MECOM: variants seen among roughly 807,000 people sequenced by gnomAD.
MECOM encodes the protein histone-lysine N-methyltransferase MECOM.
MECOM carries 13 observed loss-of-function variants against 116.3 expected under a neutral mutation model. The observed-to-expected ratio is 0.11, with a 90% CI of 0.07 to 0.18. MECOM has a LOEUF of 0.18. Among genes scored for constraint, MECOM ranks in the 10% least tolerant of loss-of-function variants. The pLI, the probability that MECOM is intolerant of heterozygous loss-of-function variation, is 1.00. For synonymous variants in MECOM, 528 were observed against 535.2 expected (o/e 0.99, Z 0.19); for missense variants, 1,299 against 1,509.0 (o/e 0.86, Z 2.31).
At chr3:169,176,454 AC>A (rs1745183208) in intron 2 of MECOM, among the ~76,000 whole-genome samples, 2 of 152,202 alleles carry the variant, frequency 1.3e-5, no homozygotes, top group African/African-American at 4.8e-5. Flanking sequence ...TACACCTTAT[AC>A]AAAAATTAAC....
chr3:169,502,697 T>TA (rs1204258044), intron 1 of MECOM, among the ~76,000 whole-genome samples: 2 of 152,146 alleles, frequency 1.3e-5, no homozygotes, highest in Non-Finnish European at 2.9e-5. Flanking sequence ...TTTCCAATGG[T>TA]AAAAATGGCT....
At chr3:169,101,996 C>T in intron 11 of MECOM, 64 bp downstream of exon 11, 2 of 1,501,000 alleles carry the variant, frequency 1.3e-6, no homozygotes, top group South Asian at 1.3e-5. Flanking sequence ...AAACAAACAG[C>T]AAGACCTTTT....
At chr3:169,591,213 G>A (rs1357020849) in intron 1 of MECOM, among the ~76,000 whole-genome samples, 2 of 152,132 alleles carry the variant, frequency 1.3e-5, no homozygotes, top group Non-Finnish European at 2.9e-5. Flanking sequence ...GGAGAACTGG[G>A]AATCAATAAC....
rs368464255 is a variant in MECOM at position 169,639,864 on chromosome 3, A to C, written c.37+23472T>G. On this transcript the variant is annotated intron_variant, in intron 1 of 16. Transcript: ENST00000651503. ...GAATAGGTTAAGTTATGCTTCCATA[A>C]TAACTAACTCCAAAATCTCAGTGAG... Among the ~76,000 whole-genome samples the C allele has an allele frequency of 1.2e-3, 183 of 152,346 alleles. 4 individuals carry two copies. The South Asian group carries it at 0.036, about 30-fold the overall frequency.
At chr3:169,640,716 G>A (rs531426037) in intron 1 of MECOM, among the ~76,000 whole-genome samples, 1 of 152,286 alleles carries the variant, frequency 6.6e-6, no homozygotes, top group African/African-American at 2.4e-5. Flanking sequence ...TGTTATAGAG[G>A]TGATGTCAAT....
intron 1 of MECOM, among the ~76,000 whole-genome samples, chr3:169,474,832 C>A (rs78771730): frequency 3.3e-5 from 5 of 151,760 alleles, no homozygotes; most frequent in African/African-American, 1.2e-4. Flanking sequence ...AGTACTTAAC[C>A]ACCCATTATG....
intron 2 of MECOM, among the ~76,000 whole-genome samples, chr3:169,188,588 A>C (rs1312591772): frequency 6.6e-6 from 1 of 152,020 alleles, no homozygotes; most frequent in East Asian, 1.9e-4. Flanking sequence ...TAGCCTACAG[A>C]GGAGCTATTG....
intron 1 of MECOM, among the ~76,000 whole-genome samples, chr3:169,591,288 A>G (rs1447554713): frequency 1.3e-5 from 2 of 152,226 alleles, no homozygotes; most frequent in Non-Finnish European, 2.9e-5. Context: ...ACAAAGTAGT[A>G]AACTTTATAT....
intron 1 of MECOM, among the ~76,000 whole-genome samples, chr3:169,452,176 C>T (rs1038833134): frequency 2.0e-5 from 3 of 151,826 alleles, no homozygotes; most frequent in East Asian, 1.9e-4. Context: ...TACTCACGGC[C>T]GATGCCCAAC....
chr3:169,571,076 G>A (rs1763834760), intron 1 of MECOM, among the ~76,000 whole-genome samples: 1 of 152,182 alleles, frequency 6.6e-6, no homozygotes, highest in African/African-American at 2.4e-5. Context: ...TGACAGAATT[G>A]TATATTTAGA....
At chr3:169,636,007 AG>A (rs1218582850) in intron 1 of MECOM, among the ~76,000 whole-genome samples, 1 of 152,200 alleles carries the variant, frequency 6.6e-6, no homozygotes, top group Non-Finnish European at 1.5e-5. Flanking sequence ...AACTTGAAAA[AG>A]TAATGTGGAT....
At chr3:169,412,693 GA>G (rs574104170) in intron 1 of MECOM, among the ~76,000 whole-genome samples, 320 of 152,240 alleles carry the variant, frequency 2.1e-3, no homozygotes, top group African/African-American at 7.0e-3. Flanking sequence ...AGGCAAAAAG[GA>G]AAAATTTGAG....
intron 2 of MECOM, among the ~76,000 whole-genome samples, chr3:169,184,518 A>ATT (rs11371051): frequency 6.6e-6 from 1 of 151,796 alleles, no homozygotes; most frequent in East Asian, 1.9e-4. Context: ...TGCAGAATAC[A>ATT]TTTTTTTTCC....
intron 1 of MECOM, among the ~76,000 whole-genome samples, chr3:169,621,602 C>A (rs1770741144): frequency 6.6e-6 from 1 of 152,092 alleles, no homozygotes; most frequent in Non-Finnish European, 1.5e-5. Flanking sequence ...ACTAAAAACA[C>A]AAAAATCAGC....
At chr3:169,469,084 C>A (rs1748769560) in intron 1 of MECOM, among the ~76,000 whole-genome samples, 1 of 151,852 alleles carries the variant, frequency 6.6e-6, no homozygotes, top group African/African-American at 2.4e-5. Flanking sequence ...CAGATCGTTA[C>A]AATTCTAGTC....
chr3:169,360,229 C>T (rs1727987138), intron 2 of MECOM, among the ~76,000 whole-genome samples: 1 of 145,450 alleles, frequency 6.9e-6, no homozygotes, highest in Admixed American at 7.0e-5. Flanking sequence ...AAAAAAGCTC[C>T]TTTCTGGCAC....
chr3:169,453,976 G>C (rs937489172), intron 1 of MECOM, among the ~76,000 whole-genome samples: 2 of 152,066 alleles, frequency 1.3e-5, no homozygotes, highest in Non-Finnish European at 1.5e-5. Flanking sequence ...GTTGGGGTCA[G>C]AGCCTTCCTT....
chr3:169,517,699 T>C (rs1756807972), intron 1 of MECOM, among the ~76,000 whole-genome samples: 1 of 152,190 alleles, frequency 6.6e-6, no homozygotes, highest in Non-Finnish European at 1.5e-5. Flanking sequence ...TGATGGCAGC[T>C]ATGTTTCTCA....
intron 2 of MECOM, among the ~76,000 whole-genome samples, chr3:169,248,674 TA>T (rs1256665399): frequency 6.6e-6 from 1 of 152,212 alleles, no homozygotes; most frequent in East Asian, 1.9e-4. Context: ...AAGTATTAGT[TA>T]AAATGAGCTG....
Sources: allele counts gnomAD v4.1 joint callset (sites outside exome capture counted in the v4.1 genomes callset), GRCh38; gene constraint gnomAD v4.1.1; transcripts MANE v1.5; gene names NCBI Gene and HGNC (gene_info 2026-07-23, HGNC 2026-07-21).